MIPOL1: variants seen among roughly 807,000 people sequenced by gnomAD.
MIPOL1 encodes mirror-image polydactyly gene 1 protein.
MIPOL1 carries 57 observed loss-of-function variants against 60.9 expected under a neutral mutation model. That is an observed-to-expected ratio of 0.94 (90% confidence interval 0.76 to 1.17). The LOEUF is 1.17. MIPOL1 is among the 50% of genes most tolerant of loss of function. MIPOL1 has a pLI of 0.00. For synonymous variants in MIPOL1, 179 were observed against 168.8 expected (o/e 1.06, Z -0.47); for missense variants, 551 against 511.6 (o/e 1.08, Z -0.74).
rs765943185 is a variant in MIPOL1 at position 37,499,942 on chromosome 14, A to G, written c.1066A>G (p.Lys356Glu). 2.5e-6 allele frequency: 4 copies of G among 1,594,386 alleles called. No individual in the cohort carries two copies. The South Asian group carries it at 3.4e-5, about 14-fold the overall frequency. The change falls in exon 12 of 13, where the codon AAG becomes GAG. Residue 356 changes from lysine to glutamate, a missense_variant. Transcript: ENST00000684589. ...ATCTTTATCTCAAGAAGAAAATCTG[A>G]AGGATCAGTTTAACTATACCCTTAG... Reference protein sequence around the residue: ...HKSLSQEENLKDQFNYTLSTY... With the variant: ...HKSLSQEENLEDQFNYTLSTY...
At chr14:37,296,471 A>G (rs2085695974) in intron 7 of MIPOL1, among the ~76,000 whole-genome samples, 1 of 152,224 alleles carries the variant, frequency 6.6e-6, no homozygotes, top group African/African-American at 2.4e-5. Context: ...GAACTGAAGG[A>G]AATAGAGACA....
At chr14:37,424,529 G>GA (rs1286641953) in intron 11 of MIPOL1, among the ~76,000 whole-genome samples, 1 of 152,178 alleles carries the variant, frequency 6.6e-6, no homozygotes, top group Non-Finnish European at 1.5e-5. Flanking sequence ...GCCGACACCT[G>GA]ATTCCAGACT....
At position 37,504,637 on chromosome 14, in the gene MIPOL1, G is replaced by A. The variant is rs538065267; in HGVS notation, c.1262+4499G>A. The A allele has an allele frequency of 2.6e-5, 4 of 152,234 alleles. No individual in the cohort carries two copies. In the East Asian group the frequency reaches 7.7e-4, roughly 29 times the overall value. The allele number at this position is 152,234 out of a possible 1,614,324, so 9.4% of individuals were successfully genotyped here. A position where few individuals can be genotyped will look rare whatever the true frequency, so the allele number is the denominator to read the frequency against. ...AAGAGGGAAATTTATAGCACTAAAT[G>A]CCCACAAGAGAAAGCAAGAAAGATC... On this transcript the variant is annotated intron_variant, in intron 12 of 12. Transcript: ENST00000684589.
chr14:37,243,757 G>T (rs1022371051), intron 1 of MIPOL1, among the ~76,000 whole-genome samples: 1 of 152,136 alleles, frequency 6.6e-6, no homozygotes, highest in Non-Finnish European at 1.5e-5. Context: ...ATTGGGGAAT[G>T]AAATCCCATT....
At chr14:37,286,492 T>A (rs1182723238) in intron 7 of MIPOL1, among the ~76,000 whole-genome samples, 2 of 152,172 alleles carry the variant, frequency 1.3e-5, no homozygotes, top group African/African-American at 4.8e-5. Flanking sequence ...TAGAAATATG[T>A]TACCTGTACA....
chr14:37,369,763 G>C (rs1566457274), intron 10 of MIPOL1, 139 bp downstream of exon 10: 1 of 502,936 alleles, frequency 2.0e-6, no homozygotes, highest in Admixed American at 3.3e-5. Flanking sequence ...TTTAAACACA[G>C]ATACAGCACC....
chr14:37,319,285 C>G (rs148984257), intron 9 of MIPOL1, among the ~76,000 whole-genome samples: 9 of 152,214 alleles, frequency 5.9e-5, no homozygotes, highest in Admixed American at 5.9e-4. Flanking sequence ...ATGAAAAGGA[C>G]AGACCAAAGA....
chr14:37,234,130 C>T (rs950172344), intron 1 of MIPOL1, among the ~76,000 whole-genome samples: 5 of 152,154 alleles, frequency 3.3e-5, no homozygotes, highest in African/African-American at 7.2e-5. Flanking sequence ...TGGCACCCAT[C>T]GGGTAGAAAG....
Position 37,500,117 on chromosome 14 carries a change from T to G in MIPOL1, c.1241T>G (p.Val414Gly). 1 of 1,606,660 alleles carries G rather than the reference T, an allele frequency of 6.2e-7. No homozygotes were observed. Among genetic ancestry groups the G allele is most frequent in the Non-Finnish European group, 8.5e-7 (1 of 1,176,816 alleles). ...CAACATGCCAGAGAGGCCTCCCAAG[T>G]GGCCAATGAAAAAGTTCAAAAGTAA... Reference protein sequence around the residue: ...QLQHAREASQVANEKVQKLER... With the variant: ...QLQHAREASQGANEKVQKLER... Residue 414 changes from valine (V) to glycine (G), a missense_variant, in exon 12 of 13, where the codon GTG becomes GGG. Coordinates refer to ENST00000684589, the MANE Select transcript of MIPOL1 (RefSeq NM_001388067.1).
intron 11 of MIPOL1, among the ~76,000 whole-genome samples, chr14:37,478,783 C>T (rs1276212594): frequency 2.0e-5 from 3 of 151,684 alleles, no homozygotes; most frequent in Non-Finnish European, 2.9e-5. Flanking sequence ...CAATTTAATT[C>T]AAAAGCTGTA....
rs541016177 is a variant in MIPOL1, at chr14:37,518,767, T to G, written c.1262+18629T>G. 6.1e-4 allele frequency among the ~76,000 whole-genome samples: 93 copies of G among 152,274 alleles called. No individual in the cohort carries two copies. The Middle Eastern group carries it at 0.031, about 50-fold the overall frequency. On this transcript the variant is annotated intron_variant, in intron 12 of 12. Coordinates refer to ENST00000684589, the MANE Select transcript of MIPOL1 (RefSeq NM_001388067.1). Reference sequence around the variant, plus strand: ...TTAAAAAGTACCAAGCTTCTAGGTCTGGGTCAGGGAAAATACAGAGTAATC... The same window carrying G: ...TTAAAAAGTACCAAGCTTCTAGGTCGGGGTCAGGGAAAATACAGAGTAATC...
At chr14:37,281,544 A>T (rs2084108445) in intron 6 of MIPOL1, among the ~76,000 whole-genome samples, 1 of 152,134 alleles carries the variant, frequency 6.6e-6, no homozygotes, top group East Asian at 1.9e-4. Context: ...AGCTGGGATT[A>T]CTGGCACGCA....
chr14:37,411,260 T>C (rs969123272), intron 10 of MIPOL1, among the ~76,000 whole-genome samples: 2 of 152,154 alleles, frequency 1.3e-5, no homozygotes, highest in Non-Finnish European at 2.9e-5. Context: ...GACAGAATGG[T>C]TTCCTGTTGC....
At chr14:37,217,224 G>T (rs751683203) in intron 1 of MIPOL1, among the ~76,000 whole-genome samples, 1 of 152,146 alleles carries the variant, frequency 6.6e-6, no homozygotes, top group African/African-American at 2.4e-5. Context: ...GAACAGGCTA[G>T]TAATAAGTAA....
At chr14:37,507,556 A>G (rs2095289536) in intron 12 of MIPOL1, 1 of 152,190 alleles carries the variant, frequency 6.6e-6, no homozygotes. Flanking sequence ...TCAAACTATG[A>G]GAACACTTGG....
intron 1 of MIPOL1, among the ~76,000 whole-genome samples, chr14:37,209,102 C>G (rs928316878): frequency 6.6e-6 from 1 of 152,114 alleles, no homozygotes; most frequent in Non-Finnish European, 1.5e-5. Flanking sequence ...TGTAAATGTT[C>G]TTTTCCTATT....
intron 12 of MIPOL1, 37 bp downstream of exon 12, chr14:37,500,175 A>T (rs1290036863): frequency 2.2e-6 from 3 of 1,335,756 alleles, no homozygotes; most frequent in Non-Finnish European, 3.2e-6. Context: ...CTTCAAACAC[A>T]TGAAACAAAA....
At chr14:37,483,553 T>C (rs947592044) in intron 11 of MIPOL1, among the ~76,000 whole-genome samples, 1 of 152,166 alleles carries the variant, frequency 6.6e-6, no homozygotes, top group Admixed American at 6.5e-5. Context: ...CCATTATGGA[T>C]GACTGAAAGC....
intron 11 of MIPOL1, among the ~76,000 whole-genome samples, chr14:37,499,633 T>G (rs942275315): frequency 1.3e-5 from 2 of 152,196 alleles, no homozygotes; most frequent in African/African-American, 2.4e-5. Context: ...TAAAGAAAAT[T>G]GAATGTAATA....
Sources: gnomAD v4.1 joint callset for allele counts (sites outside exome capture counted in the v4.1 genomes callset) on GRCh38, gnomAD v4.1.1 for gene constraint, MANE v1.5 for transcripts, NCBI Gene and HGNC (gene_info 2026-07-23, HGNC 2026-07-21) for gene names.